The following PXK variants were observed in gnomAD, a reference collection of about 807,000 sequenced individuals.
PXK encodes the protein PX domain-containing protein kinase-like protein.
Under a neutral mutation model 84.7 loss-of-function variants are expected in PXK, and 35 were observed. The ratio of observed to expected loss-of-function variants is 0.41; its 90% CI spans 0.32 to 0.55. PXK has a LOEUF of 0.55. Among genes scored for constraint, PXK ranks in the 20% least tolerant of loss-of-function variants. The pLI, the probability that PXK is intolerant of heterozygous loss-of-function variation, is 0.21. For missense variants in PXK, 634 were observed against 699.7 expected, an observed-to-expected ratio of 0.91 and a Z score of 1.06; for synonymous variants, 253 against 260.8, an observed-to-expected ratio of 0.97 and a Z score of 0.29.
In PXK at chr3:58,421,507, G is replaced by A. The variant is rs141298348; in HGVS notation, c.1529-3245G>A. ...GAGGCAGAGAATCACTTGAACCCGG[G>A]AGGCGGAGCTTGCAGTGAGCCGAGA... On this transcript the variant is annotated intron_variant, in intron 17 of 17. Transcript: ENST00000356151. This position sits in a 1 kb window ranked among gnomAD's most constrained non-coding sequence, Gnocchi z 5.5. 2,594 of 874,144 alleles carry A rather than the reference G, an allele frequency of 3.0e-3. 67 individuals carry two copies. The African/African-American group carries it at 0.044, about 15-fold the overall frequency. 54.1% of individuals were successfully genotyped at this position (874,144 alleles called of 1,614,324 possible).
intron 2 of PXK, among the ~76,000 whole-genome samples, chr3:58,367,800 A>G (rs2098297315): frequency 6.6e-6 from 1 of 152,078 alleles, no homozygotes; most frequent in Non-Finnish European, 1.5e-5. Flanking sequence ...CTCCCACTTC[A>G]GCCTCCTGAG....
intron 1 of PXK, among the ~76,000 whole-genome samples, chr3:58,339,496 CT>C (rs1287202408): frequency 6.6e-6 from 1 of 151,920 alleles, no homozygotes; most frequent in Non-Finnish European, 1.5e-5. Flanking sequence ...TTCCAAAGGG[CT>C]GGGATAACAG....
At chr3:58,422,531 G>T in intron 17 of PXK, 1 of 985,404 alleles carries the variant, frequency 1.0e-6, no homozygotes. Flanking sequence ...TTTTCAAAGA[G>T]ACTCATTTAA....
chr3:58,397,159 T>G lies in PXK; in HGVS notation c.943T>G (p.Ser315Ala), dbSNP rs373340969. The G allele has an allele frequency of 1.5e-5, 24 of 1,614,096 alleles. No homozygotes were observed. Among genetic ancestry groups the G allele is most frequent in the East Asian group, 2.2e-5 (1 of 44,896 alleles). The change falls in exon 10 of 18, where the codon TCC (serine) becomes GCC (alanine). Residue 315 changes from serine to alanine, a missense_variant. Physicochemically the swap from Ser to Ala is moderately conservative, Grantham distance 99. Transcript: ENST00000356151. The surrounding 1 kb of genome is among the most constrained non-coding windows in gnomAD (Gnocchi z 4.7). Reference protein sequence around the residue: ...DLENSLLGLPSFYRSYFSQFR... With the variant: ...DLENSLLGLPAFYRSYFSQFR... Reference sequence around the variant, plus strand: ...TGAGAATTCCTTATTGGGCCTGCCTTCCTTCTACCGATCTTATTTTTCACA... The same window carrying G: ...TGAGAATTCCTTATTGGGCCTGCCTGCCTTCTACCGATCTTATTTTTCACA...
chr3:58,358,987 G>C (rs1191829609), intron 1 of PXK, among the ~76,000 whole-genome samples: 1 of 152,132 alleles, frequency 6.6e-6, no homozygotes, highest in East Asian at 1.9e-4. Flanking sequence ...ATGGAATGCA[G>C]TACCTTTTTC....
At chr3:58,336,058 TATATATATATATA>T (rs1364188830) in intron 1 of PXK, among the ~76,000 whole-genome samples, 21 of 55,830 alleles carry the variant, frequency 3.8e-4, no homozygotes, top group African/African-American at 2.1e-3. Flanking sequence ...TATATATATA[TATATATATATATA>T]TTTTTTTTTT....
intron 7 of PXK, among the ~76,000 whole-genome samples, chr3:58,394,060 T>C (rs2098657373): frequency 6.6e-6 from 1 of 152,192 alleles, no homozygotes. Flanking sequence ...GTGAATTATA[T>C]CTCAACAAAG....
intron 1 of PXK, among the ~76,000 whole-genome samples, chr3:58,363,213 AT>A (rs927029637): frequency 6.3e-4 from 96 of 151,306 alleles, no homozygotes; most frequent in Middle Eastern, 3.4e-3. Flanking sequence ...CCCTCCAAGT[AT>A]TTTTTTTTGA....
At chr3:58,334,933 G>A (rs531648137) in intron 1 of PXK, among the ~76,000 whole-genome samples, 1 of 93,628 alleles carries the variant, frequency 1.1e-5, no homozygotes, top group South Asian at 3.2e-4. Context: ...GTAAGGGTGT[G>A]TGTGTGTGTG....
In PXK at chr3:58,399,474, G is replaced by T. The variant is rs368068207; in HGVS notation, c.1181+97G>T. ...CTGGTACTGTAGTAAAGATTCTTGC[G>T]GTCCCTGCAGAGTTGGCGTGGCCTG... On this transcript the variant is annotated intron_variant, in intron 12 of 17. Coordinates refer to ENST00000356151, the MANE Select transcript of PXK (RefSeq NM_017771.5). The surrounding 1 kb of genome is among the most constrained non-coding windows in gnomAD (Gnocchi z 4.3). 36 of 1,258,296 alleles carry T rather than the reference G, an allele frequency of 2.9e-5. 1 individual carries two copies. The South Asian group carries it at 4.0e-4, about 14-fold the overall frequency. The allele number at this position is 1,258,296 out of a possible 1,614,324, so 77.9% of individuals were successfully genotyped here.
At position 58,394,985 on chromosome 3, in the gene PXK, T is replaced by G. The variant is rs770447732; in HGVS notation, c.616-13T>G. ...GACGCAAATCAATGTGAATTTCTTT[T>G]TTGTTTTGACAGCACCCTTACATCT... On this transcript the variant is annotated splice_polypyrimidine_tract_variant and intron_variant, in intron 7 of 17. Transcript: ENST00000356151. The G allele has an allele frequency of 1.2e-5, 19 of 1,590,224 alleles. No individual in the cohort carries two copies. Among genetic ancestry groups the G allele is most frequent in the Non-Finnish European group, 1.6e-5 (19 of 1,159,038 alleles).
intron 1 of PXK, among the ~76,000 whole-genome samples, chr3:58,334,788 A>C (rs1355543436): frequency 6.6e-6 from 1 of 152,222 alleles, no homozygotes; most frequent in Non-Finnish European, 1.5e-5. Flanking sequence ...TCAAATGACT[A>C]AATAATCCAA....
At chr3:58,356,281 G>T (rs867882174) in intron 1 of PXK, among the ~76,000 whole-genome samples, 2 of 152,168 alleles carry the variant, frequency 1.3e-5, no homozygotes, top group African/African-American at 2.4e-5. Flanking sequence ...GCCCTTTGGG[G>T]AAGTGGCAGC....
chr3:58,423,942 G>A (rs1366138717), intron 17 of PXK, among the ~76,000 whole-genome samples: 1 of 152,254 alleles, frequency 6.6e-6, no homozygotes, highest in African/African-American at 2.4e-5. Context: ...TGCCCACTGC[G>A]GTACAGCACG....
intron 1 of PXK, among the ~76,000 whole-genome samples, chr3:58,337,476 G>T (rs182033631): frequency 6.6e-6 from 1 of 151,900 alleles, no homozygotes; most frequent in African/African-American, 2.4e-5. Flanking sequence ...GGATTCCAAG[G>T]TCTTTTTTTT....
chr3:58,336,843 G>T (rs748767426), intron 1 of PXK, among the ~76,000 whole-genome samples: 65 of 151,900 alleles, frequency 4.3e-4, no homozygotes, highest in Non-Finnish European at 4.4e-5. Context: ...ACAGAGTCTC[G>T]CTCTGTCACC....
intron 1 of PXK, among the ~76,000 whole-genome samples, chr3:58,350,872 T>A (rs978791397): frequency 1.3e-5 from 2 of 152,184 alleles, no homozygotes; most frequent in Admixed American, 1.3e-4. Flanking sequence ...AGCAACCTTC[T>A]CAGAGTAGGA....
At position 58,409,459 on chromosome 3, in the gene PXK, A is replaced by G; in HGVS notation, c.1309-73A>G. The stretch of plus-strand genomic sequence containing the variant: ...ATCCCAATAAAATGTGGTTTGCCAA[A>G]ACATGTTGGAGAAGATTTTCATTAG... On this transcript the variant is annotated intron_variant, in intron 14 of 17. Transcript: ENST00000356151. This position sits in a 1 kb window ranked among gnomAD's most constrained non-coding sequence, Gnocchi z 4.2. 1 of 1,406,460 alleles carries G rather than the reference A, an allele frequency of 7.1e-7. No individual in the cohort carries two copies. Among genetic ancestry groups the G allele is most frequent in the East Asian group, 2.3e-5 (1 of 43,590 alleles). 87.1% of individuals were successfully genotyped at this position (1,406,460 alleles called of 1,614,324 possible).
chr3:58,415,083 A>AT (rs2060761136), intron 17 of PXK, among the ~76,000 whole-genome samples: 1 of 152,188 alleles, frequency 6.6e-6, no homozygotes, highest in East Asian at 1.9e-4. Context: ...ACTCAAAAGT[A>AT]TTTTTCCCTA....
Sources: allele counts gnomAD v4.1 joint callset (sites outside exome capture counted in the v4.1 genomes callset), GRCh38; gene constraint gnomAD v4.1.1; non-coding constraint Gnocchi (gnomAD v3.1); transcripts MANE v1.5; gene names NCBI Gene and HGNC (gene_info 2026-07-23, HGNC 2026-07-21).